Variants in WASHC2A observed in about 807,000 individuals in gnomAD.
WASHC2A encodes WASH complex subunit 2A.
WASHC2A carries 82 observed loss-of-function variants against 140.3 expected under a neutral mutation model. The ratio of observed to expected loss-of-function variants is 0.58; its 90% CI spans 0.49 to 0.70. The LOEUF is 0.70. Among genes scored for constraint, WASHC2A ranks in the 30% least tolerant of loss-of-function variants. WASHC2A has a pLI of 0.00. For missense variants in WASHC2A, 985 were observed against 1,521.8 expected (o/e 0.65, Z 5.87); for synonymous variants, 340 against 560.8 (o/e 0.61, Z 5.56).
chr10:50,127,844 T>G, intron 28 of WASHC2A, 49 bp downstream of exon 28: 1 of 798,790 alleles, frequency 1.3e-6, no homozygotes, highest in Non-Finnish European at 2.1e-6. Flanking sequence ...AACCAGAACA[T>G]GCATATGCTT....
At chr10:50,097,969 T>C (rs1446735659) in intron 16 of WASHC2A, among the ~76,000 whole-genome samples, 167 bp downstream of exon 16, 2 of 151,810 alleles carry the variant, frequency 1.3e-5, no homozygotes, top group Non-Finnish European at 1.5e-5. Flanking sequence ...GCCACCCAGA[T>C]TGATCAGTTC....
chr10:50,091,406 A>T, intron 9 of WASHC2A, 25 bp from the exon 10 acceptor site: 3 of 1,549,032 alleles, frequency 1.9e-6, no homozygotes, highest in Non-Finnish European at 1.7e-6. Context: ...CAAAAAAGCG[A>T]TTCTTTTGAT....
chr10:50,131,480 G>T (rs1294000740), intron 30 of WASHC2A, among the ~76,000 whole-genome samples: 9 of 152,228 alleles, frequency 5.9e-5, no homozygotes, highest in Non-Finnish European at 1.0e-4. Flanking sequence ...TAGACAGGGA[G>T]TGTCCATGGT....
chr10:50,079,633 A>G (rs1418673448), intron 4 of WASHC2A, among the ~76,000 whole-genome samples: 1 of 152,204 alleles, frequency 6.6e-6, no homozygotes, highest in Non-Finnish European at 1.5e-5. Flanking sequence ...TCCTGACCTC[A>G]AATGATCCGC....
chr10:50,126,194 T>G lies in WASHC2A; in HGVS notation c.2811+15T>G, dbSNP rs1554894970. ...AAACACCTCAGGTTAGAAATCCTCT[T>G]TAAGGATTTTCAGCTCTTGTTTGCA... On this transcript the variant is annotated intron_variant, in intron 26 of 30. Transcript: ENST00000282633. 1.9e-6 allele frequency: 3 copies of G among 1,612,992 alleles called. No individual in the cohort carries two copies. The East Asian group carries it at 6.7e-5, about 36-fold the overall frequency.
chr10:50,105,352 A>G (rs1266587991), intron 18 of WASHC2A, among the ~76,000 whole-genome samples: 13 of 146,492 alleles, frequency 8.9e-5, no homozygotes, highest in African/African-American at 2.8e-4. Flanking sequence ...CTTGCAAACC[A>G]GGGACCTGGG....
chr10:50,130,616 A>T (rs984396850), intron 29 of WASHC2A, among the ~76,000 whole-genome samples: 10 of 152,214 alleles, frequency 6.6e-5, no homozygotes, highest in African/African-American at 2.4e-4. Context: ...ACTAAGTGTC[A>T]TGAAGAAAAT....
chr10:50,087,274 G>T lies in WASHC2A; in HGVS notation c.685-1G>T. The T allele has an allele frequency of 1.2e-6, 2 of 1,613,882 alleles. No homozygotes were observed. Among genetic ancestry groups the T allele is most frequent in the Non-Finnish European group, 1.7e-6 (2 of 1,179,840 alleles). On this transcript the variant is annotated splice_acceptor_variant, in intron 7 of 30. Transcript: ENST00000282633. LOFTEE classifies it high-confidence loss of function. ...AACAAAGCCTTTTCTTCCCCACAAA[G>T]GAGTCAGATGAAGATTTTGCCCATC...
chr10:50,082,359 C>T (rs1273826013), intron 5 of WASHC2A, among the ~76,000 whole-genome samples: 6 of 151,842 alleles, frequency 4.0e-5, no homozygotes, highest in Non-Finnish European at 7.4e-5. Flanking sequence ...TCCCCTGCCC[C>T]AGAGTCCTTT....
chr10:50,092,702 G>A (rs1273617520), intron 11 of WASHC2A, among the ~76,000 whole-genome samples: 34 of 151,452 alleles, frequency 2.2e-4, no homozygotes, highest in African/African-American at 7.7e-4. Context: ...GGTGCTGGGA[G>A]GATATGTGGG....
Position 50,095,872 on chromosome 10 carries a change from G to A in WASHC2A, c.1420+94G>A, listed in dbSNP as rs1341976937. ...CTCACCTAGTTCTGTATCTCTTACA[G>A]TGCCAGAATCCCTTCTCCAGCATTC... On this transcript the variant is annotated intron_variant, in intron 15 of 30. Transcript: ENST00000282633. 3.9e-6 allele frequency: 6 copies of A among 1,526,798 alleles called. No individual in the cohort carries two copies. In the East Asian group the frequency reaches 1.5e-4, roughly 37 times the overall value. The allele number at this position is 1,526,798 out of a possible 1,614,324, so 94.6% of individuals were successfully genotyped here.
intron 2 of WASHC2A, 130 bp from the exon 3 acceptor site, chr10:50,069,417 A>T (rs532027406): frequency 0.014 from 3,195 of 223,830 alleles, 54 homozygotes; most frequent in African/African-American, 0.094. Flanking sequence ...AAACTCTCTC[A>T]AAAAAAAAAA....
chr10:50,094,388 T>C (rs1840239854), intron 13 of WASHC2A, among the ~76,000 whole-genome samples: 1 of 146,970 alleles, frequency 6.8e-6, no homozygotes, highest in Admixed American at 6.9e-5. Flanking sequence ...AGGCTGGTCT[T>C]AAACTCCTAT....
rs2132274997 is a variant in WASHC2A at position 50,067,979 on chromosome 10, C to T, written c.-27C>T. The stretch of plus-strand genomic sequence containing the variant: ...AGTCCTCGGCGTGTGCTGGCAGCTT[C>T]GGAGCCCACCGAGCCGGGCGGCTAG... On this transcript the variant is annotated 5_prime_UTR_variant, in exon 1 of 31. Coordinates refer to ENST00000282633, the MANE Select transcript of WASHC2A (RefSeq NM_001005751.3). 1 of 1,602,490 alleles carries T rather than the reference C, an allele frequency of 6.2e-7. No homozygotes were observed. Among genetic ancestry groups the T allele is most frequent in the South Asian group, 1.1e-5 (1 of 89,996 alleles).
At chr10:50,103,880 G>A (rs1589233423) in intron 17 of WASHC2A, among the ~76,000 whole-genome samples, 162 bp from the exon 18 acceptor site, 2 of 152,122 alleles carry the variant, frequency 1.3e-5, no homozygotes, top group East Asian at 3.9e-4. Context: ...CAGACCCTGA[G>A]GCCTATCCCT....
At chr10:50,098,593 C>T (rs1462372482) in intron 16 of WASHC2A, among the ~76,000 whole-genome samples, 2 of 95,262 alleles carry the variant, frequency 2.1e-5, no homozygotes, top group Non-Finnish European at 4.5e-5. Context: ...GGTTGGGGAC[C>T]CCTGCTTTAT....
At chr10:50,100,666 C>T (rs1256650998) in intron 17 of WASHC2A, among the ~76,000 whole-genome samples, 4 of 152,180 alleles carry the variant, frequency 2.6e-5, no homozygotes, top group African/African-American at 7.2e-5. Flanking sequence ...GGAGCTTGCA[C>T]CAGAGTGGAG....
intron 13 of WASHC2A, among the ~76,000 whole-genome samples, chr10:50,094,615 T>G (rs1451551668): frequency 6.6e-5 from 10 of 152,240 alleles, no homozygotes; most frequent in Non-Finnish European, 1.0e-4. Flanking sequence ...AGCTGGGCCT[T>G]GGAGGCCGCT....
Position 50,130,040 on chromosome 10 carries a change from G to A in WASHC2A, c.3708+1G>A, listed in dbSNP as rs1843801742. Reference sequence around the variant, plus strand: ...ATTAACAACACAAGATATTTTTGAGGTAATAGGACTTAACACGTTTTTGTG... The same window carrying A: ...ATTAACAACACAAGATATTTTTGAGATAATAGGACTTAACACGTTTTTGTG... On this transcript the variant is annotated splice_donor_variant, in intron 29 of 30. Coordinates refer to ENST00000282633, the MANE Select transcript of WASHC2A (RefSeq NM_001005751.3). LOFTEE classifies it high-confidence loss of function. 2 of 1,611,790 alleles carry A rather than the reference G, an allele frequency of 1.2e-6. No individual in the cohort carries two copies. Among genetic ancestry groups the A allele is most frequent in the Non-Finnish European group, 1.7e-6 (2 of 1,179,830 alleles).
Sources: allele counts gnomAD v4.1 joint callset (sites outside exome capture counted in the v4.1 genomes callset), GRCh38; gene constraint gnomAD v4.1.1; transcripts MANE v1.5; gene names NCBI Gene and HGNC (gene_info 2026-07-23, HGNC 2026-07-21).